Variants in TAF1 observed in about 807,000 individuals in gnomAD.
The protein encoded by TAF1 is transcription initiation factor TFIID subunit 1.
In TAF1, 2 loss-of-function variants were observed where a neutral mutation model predicts 138.5. That is an observed-to-expected ratio of 0.01 (90% CI 0.01 to 0.05). TAF1 has a LOEUF of 0.05. Ranked by LOEUF, TAF1 falls within the 10% of genes least tolerant of loss-of-function variation. TAF1 has a pLI of 1.00. For missense variants in TAF1, 709 were observed against 1,478.0 expected, an observed-to-expected ratio of 0.48 and a Z score of 8.53; for synonymous variants, 437 against 503.2, an observed-to-expected ratio of 0.87 and a Z score of 1.76.
chrX:71,419,717 G>C (rs1456849697), intron 28 of TAF1, among the ~76,000 whole-genome samples: 2 of 110,884 alleles, frequency 1.8e-5, no homozygotes, highest in Admixed American at 1.9e-4. Flanking sequence ...CAGAGCCCTG[G>C]CTAAAAAATA....
chrX:71,405,312 T>C (rs1456914381), intron 25 of TAF1, among the ~76,000 whole-genome samples: 2 of 111,063 alleles, frequency 1.8e-5, no homozygotes, highest in Non-Finnish European at 3.8e-5. Context: ...AGAAATCAAT[T>C]TGATACAGTT....
chrX:71,466,764 G>A (rs958128833), downstream of TAF1, among the ~76,000 whole-genome samples: 1 of 112,023 alleles, frequency 8.9e-6, no homozygotes, highest in African/African-American at 3.2e-5. Flanking sequence ...AAAGTGCTGG[G>A]ATTACAGGCA....
At chrX:71,475,170 G>T (rs1420884441) in intron 13 of TAF1, among the ~76,000 whole-genome samples, 2 of 111,533 alleles carry the variant, frequency 1.8e-5, no homozygotes, top group African/African-American at 6.5e-5. Flanking sequence ...TGGAGCTCAG[G>T]AGAAAGGCTG....
intron 13 of TAF1, among the ~76,000 whole-genome samples, chrX:71,475,964 C>T (rs2038973528): frequency 9.0e-6 from 1 of 111,194 alleles, no homozygotes; most frequent in South Asian, 3.8e-4. Context: ...TGTCTTGCTC[C>T]CGCTTTCACC....
intron 32 of TAF1, among the ~76,000 whole-genome samples, chrX:71,445,124 G>A (rs1402774732): frequency 2.8e-5 from 3 of 108,444 alleles, no homozygotes; most frequent in East Asian, 5.8e-4. Context: ...GGTGAAACCC[G>A]TCTCTACTAA....
At chrX:71,384,277 G>A (rs1004149733) in intron 13 of TAF1, 142 bp downstream of exon 13, 71 of 662,978 alleles carry the variant, frequency 1.1e-4, no homozygotes, top group Middle Eastern at 4.7e-4. Flanking sequence ...TATTATTAAC[G>A]TAGCTGTAGT....
intron 13 of TAF1, among the ~76,000 whole-genome samples, chrX:71,476,079 A>G (rs2038975298): frequency 8.9e-6 from 1 of 111,799 alleles, no homozygotes; most frequent in South Asian, 3.7e-4. Context: ...GCCTACAGAG[A>G]ACCGTGAGCC....
chrX:71,448,659 C>G (rs1349218518), intron 32 of TAF1, among the ~76,000 whole-genome samples: 2 of 111,577 alleles, frequency 1.8e-5, no homozygotes, highest in Non-Finnish European at 3.8e-5. Flanking sequence ...ATAGCTGAAG[C>G]TCTTGTAACT....
intron 34 of TAF1, among the ~76,000 whole-genome samples, chrX:71,456,478 G>A (rs1301162781): frequency 9.1e-6 from 1 of 109,957 alleles, no homozygotes; most frequent in Non-Finnish European, 1.9e-5. Context: ...CCTGAGGAAG[G>A]TGTACATGAG....
At chrX:71,515,942 C>T (rs978611313) in intron 13 of TAF1, among the ~76,000 whole-genome samples, 6 of 111,399 alleles carry the variant, frequency 5.4e-5, no homozygotes, top group African/African-American at 2.0e-4. Context: ...AAGACAAATA[C>T]TGTATAATTC....
chrX:71,402,069 T>A (rs1274068249), intron 25 of TAF1, among the ~76,000 whole-genome samples: 1 of 111,910 alleles, frequency 8.9e-6, no homozygotes, highest in East Asian at 2.8e-4. Flanking sequence ...ATGTCAGTTA[T>A]CTCTTCTTGT....
At chrX:71,483,740 A>ATCTCTCTCTCTCTCTC (rs1167670247) in intron 13 of TAF1, among the ~76,000 whole-genome samples, 1 of 62,400 alleles carries the variant, frequency 1.6e-5, no homozygotes, top group African/African-American at 7.5e-5. Flanking sequence ...TATTGTGAAC[A>ATCTCTCTCTCTCTCTC]TCTCTCTCTC....
intron 6 of TAF1, 29 bp from the exon 7 acceptor site, chrX:71,378,206 C>A: frequency 8.3e-7 from 1 of 1,198,321 alleles, no homozygotes; most frequent in Non-Finnish European, 1.1e-6. Context: ...AGGAAATTCT[C>A]CCTGCTCTAC....
At chrX:71,528,275 T>G (rs2040034732) in intron 13 of TAF1, 1 of 264,156 alleles carries the variant, frequency 3.8e-6, no homozygotes, top group Non-Finnish European at 7.1e-6. Context: ...ATTATTATTT[T>G]GCAGGTTTTT....
chrX:71,461,112 T>C (rs967641952), intron 37 of TAF1, among the ~76,000 whole-genome samples: 1 of 111,125 alleles, frequency 9.0e-6, no homozygotes, highest in Non-Finnish European at 1.9e-5. Context: ...CTTGGAGTTA[T>C]CAGGGAAAGT....
At chrX:71,383,843 A>C (rs1052685995) in intron 12 of TAF1, 119 bp from the exon 13 acceptor site, 23 of 884,780 alleles carry the variant, frequency 2.6e-5, no homozygotes, top group Non-Finnish European at 3.6e-5. Flanking sequence ...GAAAATTTTG[A>C]TTATGAAATT....
intron 8 of TAF1, among the ~76,000 whole-genome samples, chrX:71,381,275 A>T (rs1272580628): frequency 3.6e-5 from 4 of 111,702 alleles, no homozygotes; most frequent in Non-Finnish European, 7.5e-5. Flanking sequence ...TTATTTATTT[A>T]TTTTTTGAGA....
intron 35 of TAF1, 146 bp from the exon 36 acceptor site, chrX:71,459,406 A>G (rs1195363960): frequency 7.8e-6 from 8 of 1,021,076 alleles, no homozygotes; most frequent in South Asian, 2.4e-5. Flanking sequence ...TAAACAGTCT[A>G]TCCACCAAAA....
chrX:71,459,433 T>C, intron 35 of TAF1, 119 bp from the exon 36 acceptor site: 2 of 1,057,513 alleles, frequency 1.9e-6, no homozygotes, highest in Non-Finnish European at 2.5e-6. Flanking sequence ...ACTTAACTTC[T>C]TGTGAGGCAG....
Sources: allele counts gnomAD v4.1 joint callset (sites outside exome capture counted in the v4.1 genomes callset), GRCh38; gene constraint gnomAD v4.1.1; transcripts MANE v1.5; gene names NCBI Gene and HGNC (gene_info 2026-07-23, HGNC 2026-07-21).